Variants in PLA2G4A observed in about 807,000 individuals in gnomAD.
PLA2G4A encodes the protein cytosolic phospholipase A2.
PLA2G4A carries 40 observed loss-of-function variants against 81.9 expected under a neutral mutation model. The observed-to-expected ratio is 0.49, with a 90% CI of 0.38 to 0.64. The LOEUF is 0.64. PLA2G4A is among the 30% of genes least tolerant of loss of function. The pLI is 0.00. For missense variants in PLA2G4A, 715 were observed against 905.1 expected (o/e 0.79, Z 2.69); for synonymous variants, 302 against 296.9 (o/e 1.02, Z -0.18).
chr1:186,962,486 TTTTATTTA>T (rs10657628), intron 14 of PLA2G4A, among the ~76,000 whole-genome samples: 6,149 of 136,612 alleles, frequency 0.045, 182 homozygotes, highest in African/African-American at 0.089. Flanking sequence ...AGTTATTTTA[TTTTATTTA>T]TTTATTTATT....
intron 1 of PLA2G4A, among the ~76,000 whole-genome samples, chr1:186,832,298 G>T (rs1214979805): frequency 6.6e-6 from 1 of 151,278 alleles, no homozygotes; most frequent in Non-Finnish European, 1.5e-5. Context: ...TATTTTCTAG[G>T]TTCTAAAAAA....
At chr1:186,928,089 T>A (rs1216493068) in intron 7 of PLA2G4A, among the ~76,000 whole-genome samples, 1 of 152,018 alleles carries the variant, frequency 6.6e-6, no homozygotes, top group East Asian at 1.9e-4. Context: ...ATTTTTCTTA[T>A]CTGAGGAAGT....
At chr1:186,897,889 G>A (rs1484855674) in intron 5 of PLA2G4A, among the ~76,000 whole-genome samples, 1 of 152,136 alleles carries the variant, frequency 6.6e-6, no homozygotes, top group East Asian at 1.9e-4. Context: ...TAAGGTTTGG[G>A]CTTCTAATGG....
intron 3 of PLA2G4A, among the ~76,000 whole-genome samples, chr1:186,873,871 G>T (rs1653374653): frequency 6.6e-6 from 1 of 151,960 alleles, no homozygotes; most frequent in South Asian, 2.1e-4. Flanking sequence ...TCCCAGACAT[G>T]GTTGCTAATT....
chr1:186,903,809 A>G (rs777553703), intron 5 of PLA2G4A, among the ~76,000 whole-genome samples: 10 of 152,214 alleles, frequency 6.6e-5, no homozygotes, highest in Non-Finnish European at 1.5e-4. Flanking sequence ...TAATAATAAT[A>G]TAAATAAAGT....
At chr1:186,870,880 C>A in intron 3 of PLA2G4A, 2 of 515,146 alleles carry the variant, frequency 3.9e-6, no homozygotes, top group Admixed American at 2.9e-5. Context: ...TGAACGATAA[C>A]ATTTCGAACA....
chr1:186,912,735 T>A (rs1654994632), intron 7 of PLA2G4A, among the ~76,000 whole-genome samples: 2 of 145,752 alleles, frequency 1.4e-5, no homozygotes, highest in Admixed American at 7.0e-5. Flanking sequence ...TATATACATA[T>A]ATATACATAT....
At chr1:186,859,792 C>A (rs1202329438) in intron 2 of PLA2G4A, among the ~76,000 whole-genome samples, 1 of 152,132 alleles carries the variant, frequency 6.6e-6, no homozygotes, top group Non-Finnish European at 1.5e-5. Context: ...GTTACATGAT[C>A]ATGGACACGT....
intron 8 of PLA2G4A, among the ~76,000 whole-genome samples, chr1:186,933,324 G>C (rs1319350610): frequency 6.6e-6 from 1 of 152,024 alleles, no homozygotes; most frequent in African/African-American, 2.4e-5. Context: ...AATAGAATAA[G>C]ATGCAAGATA....
intron 15 of PLA2G4A, among the ~76,000 whole-genome samples, chr1:186,974,571 A>G (rs1200452586): frequency 6.6e-6 from 1 of 152,202 alleles, no homozygotes; most frequent in Non-Finnish European, 1.5e-5. Context: ...ATCCCACAGA[A>G]AGTCAGTTTA....
intron 1 of PLA2G4A, among the ~76,000 whole-genome samples, chr1:186,838,078 G>C (rs542768710): frequency 1.3e-5 from 2 of 152,270 alleles, no homozygotes; most frequent in South Asian, 2.1e-4. Flanking sequence ...ACTTGAGTGA[G>C]AGAAGGGAAT....
At chr1:186,956,417 A>G (rs1656755724) in intron 14 of PLA2G4A, 73 bp downstream of exon 14, 1 of 1,333,804 alleles carries the variant, frequency 7.5e-7, no homozygotes, top group Non-Finnish European at 1.1e-6. Context: ...GAAGCATTTT[A>G]ATTATTATTA....
At chr1:186,959,546 TA>T (rs1461423445) in intron 14 of PLA2G4A, among the ~76,000 whole-genome samples, 1 of 152,164 alleles carries the variant, frequency 6.6e-6, no homozygotes, top group East Asian at 1.9e-4. Flanking sequence ...TTGATTTCAT[TA>T]AAAAATTTAG....
At chr1:186,932,294 C>CTTTTTTTTTTTTTTTTTTTTT (rs67757094) in intron 7 of PLA2G4A, among the ~76,000 whole-genome samples, 2 of 138,560 alleles carry the variant, frequency 1.4e-5, no homozygotes, top group East Asian at 2.1e-4. Context: ...TTTTCTTTTT[C>CTTTTTTTTTTTTTTTTTTTTT]TTTTTTTTTT....
chr1:186,974,119 AT>A lies in PLA2G4A; in HGVS notation c.1765-3467del, dbSNP rs547375855. On this transcript the variant is annotated intron_variant, in intron 15 of 17. Transcript: ENST00000367466. ...TCATATATTTAAAATATATATTTAT[AT>A]TTTTTTACATGTAAATGAATGAAAT... 9.9e-3 allele frequency among the ~76,000 whole-genome samples: 1,499 copies of A among 151,676 alleles called. 25 individuals are homozygous for A. The highest frequency in any genetic ancestry group is 0.034 in the African/African-American group (1,410 of 41,418).
At chr1:186,968,424 G>T (rs1657214110) in intron 15 of PLA2G4A, among the ~76,000 whole-genome samples, 1 of 151,198 alleles carries the variant, frequency 6.6e-6, no homozygotes, top group South Asian at 2.1e-4. Context: ...GTGTGTGTGT[G>T]TGTGTGTGTA....
At chr1:186,933,731 A>T (rs1557880817) in intron 8 of PLA2G4A, among the ~76,000 whole-genome samples, 1 of 152,088 alleles carries the variant, frequency 6.6e-6, no homozygotes, top group Non-Finnish European at 1.5e-5. Flanking sequence ...TTTCTGTGTC[A>T]TTTTATCTTG....
In PLA2G4A at chr1:186,916,033, G is replaced by A. The variant is rs114028773; in HGVS notation, c.558+4644G>A. 5.8e-3 allele frequency among the ~76,000 whole-genome samples: 890 copies of A among 152,244 alleles called. 7 individuals are homozygous for A. Among genetic ancestry groups the A allele is most frequent in the African/African-American group, 0.02 (845 of 41,514 alleles). On this transcript the variant is annotated intron_variant, in intron 7 of 17. Coordinates refer to ENST00000367466, the MANE Select transcript of PLA2G4A (RefSeq NM_024420.3). ...TACGGTTCCTCCACAGACATAACAT[G>A]AAGTGACATTGAGAGGCTGGGCTAC... is the stretch of plus-strand genomic sequence containing the variant.
intron 7 of PLA2G4A, among the ~76,000 whole-genome samples, chr1:186,917,971 T>C (rs2102171249): frequency 6.6e-6 from 1 of 152,326 alleles, no homozygotes; most frequent in East Asian, 1.9e-4. Context: ...AAGTGACTCT[T>C]GCCCTAGGTG....
Sources: gnomAD v4.1 joint callset for allele counts (sites outside exome capture counted in the v4.1 genomes callset) on GRCh38, gnomAD v4.1.1 for gene constraint, MANE v1.5 for transcripts, NCBI Gene and HGNC (gene_info 2026-07-23, HGNC 2026-07-21) for gene names.